Variants in MYO5C observed in about 807,000 individuals in gnomAD.
MYO5C encodes unconventional myosin-Vc.
Under a neutral mutation model 235.7 loss-of-function variants are expected in MYO5C, and 194 were observed. The observed-to-expected ratio is 0.82, with a 90% CI of 0.73 to 0.93. The LOEUF (loss-of-function observed/expected upper bound fraction) is 0.93. MYO5C is among the 40% of genes least tolerant of loss of function. MYO5C has a pLI of 0.00. For synonymous variants in MYO5C, 707 were observed against 754.8 expected, an observed-to-expected ratio of 0.94 and a Z score of 1.04; for missense variants, 2,038 against 2,127.2, an observed-to-expected ratio of 0.96 and a Z score of 0.82.
rs1326010012 is a variant in MYO5C at position 52,225,057 on chromosome 15, T to A, written c.3365+18A>T. ...TGTTTACATGTCTTAAAATGTTTGA[T>A]AATGCAAAAATGATTACCTGCTTCT... On this transcript the variant is annotated intron_variant, in intron 27 of 40. Transcript: ENST00000261839. 1 of 1,614,040 alleles carries A rather than the reference T, an allele frequency of 6.2e-7. No homozygotes were observed. Among genetic ancestry groups the A allele is most frequent in the Non-Finnish European group, 8.5e-7 (1 of 1,179,936 alleles).
intron 3 of MYO5C, 87 bp from the exon 4 acceptor site, chr15:52,279,104 T>C (rs2037110949): frequency 2.9e-6 from 4 of 1,395,632 alleles, no homozygotes; most frequent in Non-Finnish European, 3.9e-6. Flanking sequence ...CCCAGCTCTG[T>C]CGCTTATTAA....
Position 52,193,671 on chromosome 15 carries a change from A to G in MYO5C, c.*231T>C. On this transcript the variant is annotated 3_prime_UTR_variant, in exon 41 of 41. Coordinates refer to ENST00000261839, the MANE Select transcript of MYO5C (RefSeq NM_018728.4). ...GGAATTTCAGTGAAAACCAGCTGAG[A>G]TTCGAGAGTGAGACATGGCTTTTCC... 1 of 476,192 alleles carries G rather than the reference A, an allele frequency of 2.1e-6. No homozygotes were observed. Among genetic ancestry groups the G allele is most frequent in the South Asian group, 2.6e-5 (1 of 39,092 alleles). 29.5% of individuals were successfully genotyped at this position (476,192 alleles called of 1,614,324 possible). A position where few individuals can be genotyped will look rare whatever the true frequency, so the allele number is the denominator to read the frequency against.
chr15:52,264,202 C>T lies in MYO5C; in HGVS notation c.1035G>A (p.Arg345=), dbSNP rs1430999212. ...ATGAGCATCTCACACTAACTGAGGA[C>T]CTCTCGTTGCCCACCGCGGTGATCT... ...NVQITAVGNE[R]SSVSEDDSHL... The change falls in exon 9 of 41, where the codon AGG becomes AGA. Residue 345 remains arginine, a synonymous_variant. Coordinates refer to ENST00000261839, the MANE Select transcript of MYO5C (RefSeq NM_018728.4). 6.2e-7 allele frequency: 1 copy of T among 1,612,158 alleles called. No homozygotes were observed.
At position 52,247,451 on chromosome 15, in the gene MYO5C, T is replaced by C; in HGVS notation, c.1881+7A>G. ...AGACCCCTCACTCTCAAACACCTTC[T>C]CAGTACCTTGCTCCCAACTGTGGTC... On this transcript the variant is annotated splice_region_variant and intron_variant, in intron 15 of 40. Transcript: ENST00000261839. 6.2e-7 allele frequency: 1 copy of C among 1,613,980 alleles called. No individual in the cohort carries two copies. The highest frequency in any genetic ancestry group is 2.2e-5 in the East Asian group (1 of 44,878).
In MYO5C at chr15:52,195,378, T is replaced by G. The variant is rs547300636; in HGVS notation, c.5075A>C (p.Gln1692Pro). Residue 1692 changes from glutamine (Q) to proline (P), a missense_variant and splice_region_variant, in exon 40 of 41, where the codon CAG becomes CCG. Transcript: ENST00000261839. Reference sequence around the variant, plus strand: ...AAGGCACATCCTTAAGAATCTCACCTGTACTTTGCGAACAAAGGATGGAGT... The same window carrying G: ...AAGGCACATCCTTAAGAATCTCACCGGTACTTTGCGAACAAAGGATGGAGT... ...RVTPSFVRKV[Q>P]ALLNSREDSS... 6.2e-7 allele frequency: 1 copy of G among 1,607,052 alleles called. No individual in the cohort carries two copies. Among genetic ancestry groups the G allele is most frequent in the South Asian group, 1.1e-5 (1 of 90,606 alleles).
In MYO5C at chr15:52,204,885, G is replaced by A. The variant is rs367639898; in HGVS notation, c.4800C>T (p.Cys1600=). The A allele has an allele frequency of 5.0e-6, 8 of 1,613,962 alleles. No homozygotes were observed. The African/African-American group carries it at 8.0e-5, about 16-fold the overall frequency. Reference sequence around the variant, plus strand: ...TTTACCTGATCTGCATCCCTTTTCTGCAGGAGCACATGTCCTTGCGCAGGA... The same window carrying A: ...TTTACCTGATCTGCATCCCTTTTCTACAGGAGCACATGTCCTTGCGCAGGA... The part of the protein sequence containing the change: ...SLFLRKDMCS[C]RKGMQIRCNI... The change falls in exon 38 of 41, where the codon TGC becomes TGT. Residue 1600 remains cysteine (C), a synonymous_variant. Coordinates refer to ENST00000261839, the MANE Select transcript of MYO5C (RefSeq NM_018728.4).
At chr15:52,281,609 G>A (rs866983677) in intron 2 of MYO5C, among the ~76,000 whole-genome samples, 6 of 152,158 alleles carry the variant, frequency 3.9e-5, no homozygotes, top group African/African-American at 9.7e-5. Flanking sequence ...TTGTCTCATC[G>A]CACTTCAGCA....
At chr15:52,218,461 C>G (rs1485462812) in intron 32 of MYO5C, 58 bp downstream of exon 32, 4 of 1,529,534 alleles carry the variant, frequency 2.6e-6, no homozygotes, top group South Asian at 2.4e-5. Flanking sequence ...GCATGTCCCC[C>G]CTTTCAGCAA....
At chr15:52,208,768 T>A (rs1473088015) in intron 35 of MYO5C, 125 bp from the exon 36 acceptor site, 2 of 668,166 alleles carry the variant, frequency 3.0e-6, no homozygotes, top group African/African-American at 3.6e-5. Context: ...AAAGCCTTTA[T>A]CCAATTCATA....
intron 5 of MYO5C, among the ~76,000 whole-genome samples, chr15:52,273,816 G>A (rs2036978284): frequency 1.3e-5 from 2 of 152,148 alleles, no homozygotes; most frequent in African/African-American, 4.8e-5. Context: ...CACTTACAGA[G>A]TAGGGAGGAT....
chr15:52,284,626 T>G (rs2037223910), intron 1 of MYO5C, among the ~76,000 whole-genome samples: 1 of 152,186 alleles, frequency 6.6e-6, no homozygotes, highest in Non-Finnish European at 1.5e-5. Context: ...TAAACAAATA[T>G]GGAACTCTAG....
intron 8 of MYO5C, 143 bp downstream of exon 8, chr15:52,269,610 C>G: frequency 5.1e-6 from 3 of 588,768 alleles, no homozygotes. Context: ...CCAGAATGGT[C>G]TCAATCTCCT....
At chr15:52,290,594 A>G (rs575454714) in intron 1 of MYO5C, among the ~76,000 whole-genome samples, 242 of 148,774 alleles carry the variant, frequency 1.6e-3, no homozygotes, top group African/African-American at 5.8e-3. Context: ...TCATAACCTG[A>G]GTTCTAATTA....
intron 1 of MYO5C, among the ~76,000 whole-genome samples, chr15:52,285,301 G>T (rs1400917658): frequency 6.6e-6 from 1 of 151,946 alleles, no homozygotes; most frequent in East Asian, 1.9e-4. Context: ...CCAGGAGGTG[G>T]AGGTTGCAGT....
At chr15:52,195,136 T>C (rs1045666480) in intron 40 of MYO5C, among the ~76,000 whole-genome samples, 7 of 152,180 alleles carry the variant, frequency 4.6e-5, no homozygotes, top group Admixed American at 3.3e-4. Context: ...ATAAGATATA[T>C]TGACAGAATA....
chr15:52,223,758 G>A, intron 28 of MYO5C, 34 bp from the exon 29 acceptor site: 1 of 1,593,196 alleles, frequency 6.3e-7, no homozygotes, highest in Non-Finnish European at 8.6e-7. Flanking sequence ...TAAACCACAT[G>A]GCCTTTGTTC....
chr15:52,208,776 A>C (rs2035380006), intron 35 of MYO5C, 133 bp from the exon 36 acceptor site: 1 of 623,676 alleles, frequency 1.6e-6, no homozygotes, highest in African/African-American at 1.8e-5. Context: ...TATCCAATTC[A>C]TATTATACTT....
chr15:52,208,094 A>C (rs1479227512), intron 36 of MYO5C, among the ~76,000 whole-genome samples: 1 of 152,204 alleles, frequency 6.6e-6, no homozygotes, highest in Admixed American at 6.5e-5. Flanking sequence ...ATTTTAGTTC[A>C]ATGAAATTTT....
intron 38 of MYO5C, among the ~76,000 whole-genome samples, chr15:52,203,758 C>T (rs1273357656): frequency 1.3e-5 from 2 of 152,080 alleles, no homozygotes; most frequent in African/African-American, 4.8e-5. Context: ...TACCCATTAA[C>T]CATTTCCACC....
Sources: gnomAD v4.1 joint callset for allele counts (sites outside exome capture counted in the v4.1 genomes callset) on GRCh38, gnomAD v4.1.1 for gene constraint, MANE v1.5 for transcripts, NCBI Gene and HGNC (gene_info 2026-07-23, HGNC 2026-07-21) for gene names.